Variants in CORIN observed in about 807,000 individuals in gnomAD.
The protein encoded by CORIN is corin, serine peptidase, also known as atrial natriuretic peptide-converting enzyme.
CORIN carries 117 observed loss-of-function variants against 125.3 expected under a neutral mutation model. That is an observed-to-expected ratio of 0.93 (90% CI 0.80 to 1.09). The LOEUF (loss-of-function observed/expected upper bound fraction) is 1.09. CORIN is among the 50% of genes least tolerant of loss of function. CORIN has a pLI of 0.00. For synonymous variants in CORIN, 450 were observed against 466.4 expected, an observed-to-expected ratio of 0.96 and a Z score of 0.45; for missense variants, 1,253 against 1,306.7, an observed-to-expected ratio of 0.96 and a Z score of 0.63.
intron 5 of CORIN, among the ~76,000 whole-genome samples, chr4:47,709,196 A>G (rs1366021733): frequency 6.7e-6 from 1 of 150,256 alleles, no homozygotes; most frequent in East Asian, 2.1e-4. Context: ...TAGAAAAGAC[A>G]GCAAAGAGGC....
intron 5 of CORIN, among the ~76,000 whole-genome samples, chr4:47,738,483 G>A (rs1021850393): frequency 6.6e-6 from 1 of 152,142 alleles, no homozygotes; most frequent in East Asian, 1.9e-4. Flanking sequence ...GGCCAGACAT[G>A]ACAAAGAACA....
intron 12 of CORIN, among the ~76,000 whole-genome samples, chr4:47,655,282 A>G (rs1277387053): frequency 1.3e-5 from 2 of 152,218 alleles, no homozygotes; most frequent in East Asian, 3.9e-4. Flanking sequence ...CTCCTGCTTG[A>G]GAACAGGAGA....
chr4:47,756,769 T>C (rs1729166491), intron 4 of CORIN, among the ~76,000 whole-genome samples: 1 of 152,202 alleles, frequency 6.6e-6, no homozygotes, highest in African/African-American at 2.4e-5. Context: ...AAAATCTCAC[T>C]TCAGGAGCAT....
At chr4:47,706,561 A>C in intron 5 of CORIN, 1 of 1,609,398 alleles carries the variant, frequency 6.2e-7, no homozygotes, top group Non-Finnish European at 8.5e-7. Flanking sequence ...TATACATAGG[A>C]TTTGTGTTAG....
At chr4:47,769,627 A>G (rs1224416130) in intron 3 of CORIN, among the ~76,000 whole-genome samples, 2 of 152,126 alleles carry the variant, frequency 1.3e-5, no homozygotes, top group African/African-American at 4.8e-5. Flanking sequence ...AATACACTAT[A>G]AAGCTATAGT....
At chr4:47,821,113 T>C (rs1732491116) in intron 1 of CORIN, among the ~76,000 whole-genome samples, 1 of 151,910 alleles carries the variant, frequency 6.6e-6, no homozygotes. Context: ...CGTGTGCTTG[T>C]AGTACCAGCT....
intron 11 of CORIN, among the ~76,000 whole-genome samples, chr4:47,662,397 C>T (rs1248271807): frequency 6.6e-6 from 1 of 152,080 alleles, no homozygotes; most frequent in African/African-American, 2.4e-5. Context: ...CCTTCCAAAC[C>T]CACTTACGTT....
intron 5 of CORIN, among the ~76,000 whole-genome samples, chr4:47,725,873 T>C (rs1177135601): frequency 6.6e-6 from 1 of 151,824 alleles, no homozygotes; most frequent in Non-Finnish European, 1.5e-5. Flanking sequence ...CCAGAATATA[T>C]AAAGAACTCT....
intron 20 of CORIN, among the ~76,000 whole-genome samples, chr4:47,602,363 A>G (rs1177457997): frequency 5.9e-5 from 9 of 152,256 alleles, no homozygotes; most frequent in Admixed American, 5.2e-4. Flanking sequence ...GAGTAAATAC[A>G]GAGTACACAT....
chr4:47,817,574 G>T (rs1397426135), intron 1 of CORIN, among the ~76,000 whole-genome samples: 1 of 152,146 alleles, frequency 6.6e-6, no homozygotes, highest in Non-Finnish European at 1.5e-5. Context: ...CAGGACAAAA[G>T]GTGCTGCCTG....
intron 5 of CORIN, among the ~76,000 whole-genome samples, chr4:47,712,844 A>G (rs1377492175): frequency 6.6e-6 from 1 of 152,228 alleles, no homozygotes; most frequent in Non-Finnish European, 1.5e-5. Context: ...AGAAATGTGC[A>G]TCAGAAAGAA....
intron 19 of CORIN, among the ~76,000 whole-genome samples, chr4:47,619,433 T>C (rs1220639789): frequency 6.6e-6 from 1 of 152,198 alleles, no homozygotes; most frequent in Non-Finnish European, 1.5e-5. Context: ...GGCATACAAT[T>C]AGAAGTTCCC....
intron 5 of CORIN, among the ~76,000 whole-genome samples, chr4:47,702,071 G>C (rs1426748051): frequency 6.6e-6 from 1 of 152,000 alleles, no homozygotes; most frequent in Admixed American, 6.6e-5. Context: ...TTTCTTGGGA[G>C]GTGCTACCTT....
chr4:47,741,275 T>C (rs1728383865), intron 5 of CORIN, among the ~76,000 whole-genome samples: 1 of 152,038 alleles, frequency 6.6e-6, no homozygotes, highest in Non-Finnish European at 1.5e-5. Context: ...GCAAAGTATT[T>C]GAATAGATAT....
At chr4:47,670,988 G>T (rs932963388) in intron 10 of CORIN, among the ~76,000 whole-genome samples, 17 of 152,192 alleles carry the variant, frequency 1.1e-4, no homozygotes, top group African/African-American at 3.9e-4. Flanking sequence ...AGGCACTTCT[G>T]TGAATTTAAA....
chr4:47,770,372 A>G (rs962656058), intron 3 of CORIN, among the ~76,000 whole-genome samples: 2 of 152,172 alleles, frequency 1.3e-5, no homozygotes, highest in Non-Finnish European at 2.9e-5. Flanking sequence ...AACAGAAAAT[A>G]ACAAGTGCTG....
At chr4:47,617,775 G>A (rs1722125353) in intron 19 of CORIN, among the ~76,000 whole-genome samples, 1 of 152,166 alleles carries the variant, frequency 6.6e-6, no homozygotes, top group Non-Finnish European at 1.5e-5. Flanking sequence ...GTAGGCAGAA[G>A]GACACAGCAT....
intron 1 of CORIN, among the ~76,000 whole-genome samples, chr4:47,819,862 C>T (rs1429505929): frequency 3.9e-5 from 6 of 152,184 alleles, no homozygotes; most frequent in Admixed American, 2.0e-4. Context: ...AAATCCCCTT[C>T]GTCAGTTTAG....
chr4:47,705,040 G>A (rs994689093), intron 5 of CORIN, among the ~76,000 whole-genome samples: 5 of 152,184 alleles, frequency 3.3e-5, no homozygotes, highest in African/African-American at 1.2e-4. Context: ...TACTTGGCTT[G>A]TGATTGCGAC....
Sources: allele counts gnomAD v4.1 joint callset (sites outside exome capture counted in the v4.1 genomes callset), GRCh38; gene constraint gnomAD v4.1.1; transcripts MANE v1.5; gene names NCBI Gene and HGNC (gene_info 2026-07-23, HGNC 2026-07-21).